Variants in HOMER2 observed in about 807,000 individuals in gnomAD.
HOMER2 encodes homer scaffold protein 2.
Under a neutral mutation model 47.0 loss-of-function variants are expected in HOMER2, and 27 were observed. The ratio of observed to expected loss-of-function variants is 0.57; its 90% confidence interval spans 0.42 to 0.79. The LOEUF (loss-of-function observed/expected upper bound fraction) is 0.79, where lower values mean the gene tolerates loss of function less well. Among genes scored for constraint, HOMER2 ranks in the 30% least tolerant of loss-of-function variants. The pLI is 0.00. For missense variants in HOMER2, 443 were observed against 435.0 expected, an observed-to-expected ratio of 1.02 and a Z score of -0.16; for synonymous variants, 161 against 163.8, an observed-to-expected ratio of 0.98 and a Z score of 0.13.
intron 2 of HOMER2, among the ~76,000 whole-genome samples, chr15:82,879,886 C>A (rs1344979292): frequency 1.3e-5 from 2 of 152,270 alleles, no homozygotes; most frequent in South Asian, 4.1e-4. Context: ...GATAAATACA[C>A]TGCAGTATTT....
Position 82,869,450 on chromosome 15 carries a change from C to CTTTTTTTTTT in HOMER2, c.295-5201_295-5192dup, listed in dbSNP as rs71822678. Among the ~76,000 whole-genome samples, 5 of 70,240 alleles carry CTTTTTTTTTT rather than the reference C, an allele frequency of 7.1e-5. 1 individual carries two copies. The highest frequency in any genetic ancestry group is 1.2e-4 in the African/African-American group (2 of 16,694). 46.1% of individuals were successfully genotyped at this position (70,240 alleles called of 152,430 possible). A position where few individuals can be genotyped will look rare whatever the true frequency, so the allele number is the denominator to read the frequency against. ...AATTATATGATTTTCTACTAAACATCTTTTTTTTTTTTTTTTTTTTTTTTT... is the reference window on the plus strand; with the variant it reads ...AATTATATGATTTTCTACTAAACATCTTTTTTTTTTTTTTTTTTTTTTTTTTTTTTTTTTT... On this transcript the variant is annotated intron_variant, in intron 3 of 8. Coordinates refer to ENST00000450735, the MANE Select transcript of HOMER2 (RefSeq NM_004839.4).
At chr15:82,930,422 T>C (rs560872047) in intron 1 of HOMER2, among the ~76,000 whole-genome samples, 19 of 152,308 alleles carry the variant, frequency 1.2e-4, no homozygotes, top group African/African-American at 4.3e-4. Flanking sequence ...GAGGTAAGCG[T>C]CCGGTGCAAT....
At chr15:82,901,185 C>T (rs368870355) in intron 1 of HOMER2, among the ~76,000 whole-genome samples, 161 of 152,194 alleles carry the variant, frequency 1.1e-3, no homozygotes, top group African/African-American at 3.8e-3. Flanking sequence ...AAAAGGGTCC[C>T]GATTCTCCAA....
chr15:82,969,397 G>C (rs1029006422), intron 1 of HOMER2, among the ~76,000 whole-genome samples: 2 of 152,162 alleles, frequency 1.3e-5, no homozygotes, highest in African/African-American at 4.8e-5. Context: ...TACCCTAAAA[G>C]CTTGCTATTT....
exon 2 of HOMER2, chr15:82,842,484 T>TA (rs2051186822): frequency 6.9e-6 from 1 of 145,354 alleles, no homozygotes. Flanking sequence ...TTTTTTTTTT[T>TA]TGTATTTTTA....
chr15:82,909,195 A>C (rs1413390805), intron 1 of HOMER2, among the ~76,000 whole-genome samples: 1 of 152,186 alleles, frequency 6.6e-6, no homozygotes, highest in Non-Finnish European at 1.5e-5. Flanking sequence ...GCTATGTTGG[A>C]AGTAAATGCT....
At chr15:82,871,182 A>G (rs1274224925) in intron 3 of HOMER2, among the ~76,000 whole-genome samples, 1 of 152,244 alleles carries the variant, frequency 6.6e-6, no homozygotes, top group Non-Finnish European at 1.5e-5. Context: ...TCTAAAGAGC[A>G]GGAAATTGCC....
intron 1 of HOMER2, among the ~76,000 whole-genome samples, chr15:82,936,180 G>A (rs1459661419): frequency 6.6e-6 from 1 of 152,074 alleles, no homozygotes; most frequent in Non-Finnish European, 1.5e-5. Context: ...CCTCCACCTA[G>A]AACGCTCTGC....
intron 1 of HOMER2, among the ~76,000 whole-genome samples, chr15:82,922,017 C>A (rs758500729): frequency 2.6e-5 from 4 of 152,134 alleles, no homozygotes; most frequent in Non-Finnish European, 4.4e-5. Flanking sequence ...AAGTTAATCT[C>A]ATTCATTTTT....
intron 3 of HOMER2, among the ~76,000 whole-genome samples, chr15:82,869,364 T>C (rs540362540): frequency 4.6e-5 from 7 of 152,154 alleles, no homozygotes; most frequent in Non-Finnish European, 8.8e-5. Flanking sequence ...TTAAAATAGA[T>C]TATATATCTC....
intron 1 of HOMER2, among the ~76,000 whole-genome samples, chr15:82,975,653 A>C (rs2030174565): frequency 6.6e-6 from 1 of 152,238 alleles, no homozygotes; most frequent in Non-Finnish European, 1.5e-5. Flanking sequence ...TGTAGGATCT[A>C]AAAATCACAA....
chr15:82,851,009 C>G (rs1303357425), intron 8 of HOMER2, 142 bp downstream of exon 8: 5 of 652,522 alleles, frequency 7.7e-6, no homozygotes, highest in Non-Finnish European at 1.1e-5. Flanking sequence ...ATCTGGCGTG[C>G]AGTCACTGCC....
At position 82,922,488 on chromosome 15, in the gene HOMER2, C is replaced by A. The variant is rs149779170; in HGVS notation, c.6-29647G>T. 3.4e-3 allele frequency among the ~76,000 whole-genome samples: 524 copies of A among 152,262 alleles called. 5 individuals are homozygous for A. Among genetic ancestry groups the A allele is most frequent in the Admixed American group, 4.8e-3 (74 of 15,292 alleles). On this transcript the variant is annotated intron_variant, in intron 1 of 8. Transcript: ENST00000450735. ...AAATAAACATGGGCATTTGAAGGAG[C>A]ACAAAAATAGTTTGTGTCCACAGCT...
Position 82,913,496 on chromosome 15 carries a change from C to A in HOMER2, c.6-20655G>T, listed in dbSNP as rs2053501643. 6.6e-6 allele frequency among the ~76,000 whole-genome samples: 1 copy of A among 152,146 alleles called. No individual in the cohort carries two copies. The highest frequency in any genetic ancestry group is 6.5e-5 in the Admixed American group (1 of 15,276). On this transcript the variant is annotated intron_variant, in intron 1 of 8. Coordinates refer to ENST00000450735, the MANE Select transcript of HOMER2 (RefSeq NM_004839.4). The surrounding 1 kb of genome is among the most constrained non-coding windows in gnomAD (Gnocchi z 4.1). ...TGAGAGTCTGACCTACTGCCTACAGCCCAGGGCACACAGCCTGCCTCCCCC... is the reference window on the plus strand; with the variant it reads ...TGAGAGTCTGACCTACTGCCTACAGACCAGGGCACACAGCCTGCCTCCCCC...
rs1224506941 is a variant in HOMER2 at position 82,913,952 on chromosome 15, A to G, written c.6-21111T>C. 1.3e-5 allele frequency among the ~76,000 whole-genome samples: 2 copies of G among 152,140 alleles called. No homozygotes were observed. The highest frequency in any genetic ancestry group is 2.9e-5 in the Non-Finnish European group (2 of 68,010). On this transcript the variant is annotated intron_variant, in intron 1 of 8. Coordinates refer to ENST00000450735, the MANE Select transcript of HOMER2 (RefSeq NM_004839.4). This position sits in a 1 kb window ranked among gnomAD's most constrained non-coding sequence, Gnocchi z 4.1. Reference sequence around the variant, plus strand: ...CAGGTTCAAAGCAGCATTATTCACAACAGCCACAAAGTAGAAACGACCCAA... The same window carrying G: ...CAGGTTCAAAGCAGCATTATTCACAGCAGCCACAAAGTAGAAACGACCCAA...
At chr15:82,863,695 G>C (rs556209623) in intron 4 of HOMER2, among the ~76,000 whole-genome samples, 1 of 152,316 alleles carries the variant, frequency 6.6e-6, no homozygotes, top group South Asian at 2.1e-4. Flanking sequence ...ACTTTAGACA[G>C]ACTACTGAAT....
rs942877061 is a variant in HOMER2 at position 82,984,717 on chromosome 15, G to A, written n.82+1070C>T. Among the ~76,000 whole-genome samples the A allele has an allele frequency of 5.0e-4, 76 of 152,164 alleles. 1 individual carries two copies. The highest frequency in any genetic ancestry group is 1.7e-3 in the African/African-American group (69 of 41,436). ...CTGTAGTCCCAGCTCTCCGGAGGCT[G>A]AGCTGAGAGGATCGCCTGAGCCCAG... On this transcript the variant is annotated intron_variant and non_coding_transcript_variant, in intron 1 of 1. Coordinates refer to the HOMER2 transcript ENST00000500334.
At chr15:82,976,336 C>T (rs915650308) in intron 1 of HOMER2, among the ~76,000 whole-genome samples, 1 of 151,974 alleles carries the variant, frequency 6.6e-6, no homozygotes, top group African/African-American at 2.4e-5. Context: ...TCCGCTCTGT[C>T]GCCCAGGCTG....
At chr15:82,978,472 G>A (rs577309468) in intron 1 of HOMER2, among the ~76,000 whole-genome samples, 10 of 152,280 alleles carry the variant, frequency 6.6e-5, no homozygotes, top group African/African-American at 2.2e-4. Flanking sequence ...CCAGAGTGGG[G>A]AGGGCACTGC....
Sources: allele counts gnomAD v4.1 joint callset (sites outside exome capture counted in the v4.1 genomes callset), GRCh38; gene constraint gnomAD v4.1.1; non-coding constraint Gnocchi (gnomAD v3.1); transcripts MANE v1.5; gene names NCBI Gene and HGNC (gene_info 2026-07-23, HGNC 2026-07-21).